LRP1B: variants seen among roughly 807,000 people sequenced by gnomAD.
LRP1B encodes LDL receptor related protein 1B, also known as low-density lipoprotein receptor-related protein 1B.
A neutral mutation model predicts 556.6 loss-of-function variants in LRP1B; 217 were observed. The observed-to-expected ratio is 0.39, with a 90% CI of 0.35 to 0.44. LRP1B has a LOEUF of 0.44. LRP1B is among the 20% of genes least tolerant of loss of function. The pLI is 1.00. For synonymous variants in LRP1B, 2,047 were observed against 1,865.8 expected (o/e 1.10, Z -2.50); for missense variants, 5,053 against 5,620.8 (o/e 0.90, Z 3.23).
At chr2:141,318,869 C>T (rs1321215705) in intron 3 of LRP1B, among the ~76,000 whole-genome samples, 1 of 151,968 alleles carries the variant, frequency 6.6e-6, no homozygotes, top group Non-Finnish European at 1.5e-5. Context: ...AAAAGAGATG[C>T]CTATAGATTT....
intron 2 of LRP1B, among the ~76,000 whole-genome samples, chr2:141,502,619 G>A (rs1299358845): frequency 6.6e-6 from 1 of 152,076 alleles, no homozygotes; most frequent in Non-Finnish European, 1.5e-5. Context: ...CCAGCACTTT[G>A]GGAGGCTGAG....
chr2:140,973,461 GA>G (rs987489471), intron 18 of LRP1B, among the ~76,000 whole-genome samples: 1 of 152,032 alleles, frequency 6.6e-6, no homozygotes, highest in Admixed American at 6.6e-5. Context: ...TACATATTTT[GA>G]AATGTGTGGA....
At position 141,490,369 on chromosome 2, in the gene LRP1B, T is replaced by TTGTGTG. The variant is rs557540972; in HGVS notation, c.206-9837_206-9836insCACACA. On this transcript the variant is annotated intron_variant, in intron 2 of 90. Coordinates refer to ENST00000389484, the MANE Select transcript of LRP1B (RefSeq NM_018557.3). ...AAAATATTGTCATGTTAAAATAGCC[T>TTGTGTG]CGTGTGTGTGTGTGTGTGTGTGTGT... Among the ~76,000 whole-genome samples the TTGTGTG allele has an allele frequency of 8.5e-3, 922 of 108,638 alleles. 4 individuals are homozygous for TTGTGTG. The highest frequency in any genetic ancestry group is 0.018 in the African/African-American group (424 of 23,510). 71.3% of individuals were successfully genotyped at this position (108,638 alleles called of 152,430 possible). A position where few individuals can be genotyped will look rare whatever the true frequency, so the allele number is the denominator to read the frequency against.
chr2:140,595,094 A>ATATATATC (rs1682381267), intron 43 of LRP1B, among the ~76,000 whole-genome samples: 3 of 15,610 alleles, frequency 1.9e-4, no homozygotes, highest in Non-Finnish European at 3.8e-4. Flanking sequence ...TTGAATATAT[A>ATATATATC]TATATATATA....
chr2:141,216,343 G>T (rs2105265005), intron 6 of LRP1B, among the ~76,000 whole-genome samples: 1 of 152,342 alleles, frequency 6.6e-6, no homozygotes, highest in Admixed American at 6.5e-5. Context: ...AGGCTTGTCA[G>T]CCTCTGCCTA....
chr2:142,061,292 T>G (rs1390213365), intron 1 of LRP1B, among the ~76,000 whole-genome samples: 2 of 151,906 alleles, frequency 1.3e-5, no homozygotes, highest in Non-Finnish European at 2.9e-5. Context: ...ATGAAAGAAG[T>G]CCATCAGATG....
intron 1 of LRP1B, among the ~76,000 whole-genome samples, chr2:141,937,088 A>AG (rs397785931): frequency 3.3e-5 from 5 of 151,580 alleles, no homozygotes; most frequent in Admixed American, 1.3e-4. Context: ...GATATAAAAA[A>AG]CCTTTAAAAA....
intron 43 of LRP1B, among the ~76,000 whole-genome samples, chr2:140,583,554 TTC>T (rs900704782): frequency 1.1e-4 from 17 of 152,212 alleles, no homozygotes; most frequent in African/African-American, 3.1e-4. Context: ...TATTTATATT[TTC>T]TCTGTTTTTA....
intron 59 of LRP1B, among the ~76,000 whole-genome samples, chr2:140,480,015 T>C (rs997241986): frequency 6.6e-5 from 10 of 152,216 alleles, no homozygotes; most frequent in African/African-American, 2.4e-4. Flanking sequence ...ATCTAGTTAC[T>C]CATTCATCAG....
intron 2 of LRP1B, among the ~76,000 whole-genome samples, chr2:141,537,959 A>G (rs1685122783): frequency 6.6e-6 from 1 of 152,184 alleles, no homozygotes; most frequent in Admixed American, 6.6e-5. Flanking sequence ...CCCAACCACA[A>G]AAACCTGTAG....
intron 3 of LRP1B, among the ~76,000 whole-genome samples, chr2:141,291,221 A>C (rs1373457781): frequency 6.6e-6 from 1 of 152,198 alleles, no homozygotes; most frequent in Non-Finnish European, 1.5e-5. Context: ...TAGTGTAACT[A>C]AAATATCTTA....
At chr2:141,254,668 C>T (rs1470516474) in intron 3 of LRP1B, 27 bp from the exon 4 acceptor site, 2 of 1,510,444 alleles carry the variant, frequency 1.3e-6, no homozygotes, top group South Asian at 1.2e-5. Flanking sequence ...AATATATTCT[C>T]TATATTTAAC....
At chr2:142,026,577 G>C (rs1483472323) in intron 1 of LRP1B, among the ~76,000 whole-genome samples, 1 of 152,042 alleles carries the variant, frequency 6.6e-6, no homozygotes, top group Non-Finnish European at 1.5e-5. Flanking sequence ...AATTAGGTAA[G>C]TTTACTGAAA....
At chr2:141,245,800 T>C (rs1684044485) in intron 5 of LRP1B, among the ~76,000 whole-genome samples, 1 of 152,182 alleles carries the variant, frequency 6.6e-6, no homozygotes, top group Non-Finnish European at 1.5e-5. Context: ...TTTTGAAACA[T>C]GAAATGCAAG....
chr2:141,107,583 T>A (rs986010149), intron 7 of LRP1B, among the ~76,000 whole-genome samples: 1 of 152,008 alleles, frequency 6.6e-6, no homozygotes, highest in Non-Finnish European at 1.5e-5. Flanking sequence ...AAGGTGGAGG[T>A]TGCAGTGAGC....
chr2:142,040,280 A>G (rs75880339), intron 1 of LRP1B, among the ~76,000 whole-genome samples: 6,002 of 151,530 alleles, frequency 0.04, 394 homozygotes, highest in African/African-American at 0.14. Context: ...TGAAAAATCA[A>G]AAAATGTCCA....
intron 3 of LRP1B, among the ~76,000 whole-genome samples, chr2:141,395,505 T>C (rs2104913660): frequency 6.6e-6 from 1 of 152,264 alleles, no homozygotes; most frequent in African/African-American, 2.4e-5. Context: ...CTCTCTATGA[T>C]GTTCACACAA....
chr2:140,740,574 A>G (rs897655904), intron 35 of LRP1B, among the ~76,000 whole-genome samples: 3 of 152,142 alleles, frequency 2.0e-5, no homozygotes, highest in Non-Finnish European at 4.4e-5. Context: ...TGCTCAGGTG[A>G]TGGGTGCACC....
chr2:141,209,594 A>T (rs1374740508), intron 6 of LRP1B, among the ~76,000 whole-genome samples: 1 of 152,220 alleles, frequency 6.6e-6, no homozygotes, highest in African/African-American at 2.4e-5. Flanking sequence ...ATTATAATCT[A>T]CAATAAGGTT....
Sources: allele counts gnomAD v4.1 joint callset (sites outside exome capture counted in the v4.1 genomes callset), GRCh38; gene constraint gnomAD v4.1.1; transcripts MANE v1.5; gene names NCBI Gene and HGNC (gene_info 2026-07-23, HGNC 2026-07-21).